Variants in GATAD2A observed in about 807,000 individuals in gnomAD.
GATAD2A encodes GATA zinc finger domain containing 2A, also known as transcriptional repressor p66-alpha.
A neutral mutation model predicts 68.5 loss-of-function variants in GATAD2A; 12 were observed. The ratio of observed to expected loss-of-function variants is 0.18; its 90% CI spans 0.11 to 0.28. The LOEUF (loss-of-function observed/expected upper bound fraction) is 0.28, where lower values mean the gene tolerates loss of function less well. Among genes scored for constraint, GATAD2A ranks in the 10% least tolerant of loss-of-function variants. The pLI, the probability that GATAD2A is intolerant of heterozygous loss-of-function variation, is 1.00. For synonymous variants in GATAD2A, 410 were observed against 375.3 expected (o/e 1.09, Z -1.07); for missense variants, 755 against 868.5 (o/e 0.87, Z 1.64).
upstream of GATAD2A, among the ~76,000 whole-genome samples, chr19:19,401,139 C>CAAA (rs750599017): frequency 3.3e-4 from 14 of 42,216 alleles, no homozygotes; most frequent in Non-Finnish European, 3.5e-4. Flanking sequence ...GACTCTGTCT[C>CAAA]AAAAAAAAAA....
chr19:19,400,385 C>T (rs1307057351), intron 1 of GATAD2A, among the ~76,000 whole-genome samples: 3 of 152,102 alleles, frequency 2.0e-5, no homozygotes, highest in Admixed American at 6.6e-5. Flanking sequence ...AACAAACACA[C>T]GTTGACAAAG....
At chr19:19,406,664 C>G (rs1320859426) in intron 1 of GATAD2A, among the ~76,000 whole-genome samples, 19 of 152,134 alleles carry the variant, frequency 1.2e-4, no homozygotes, top group Admixed American at 9.2e-4. Context: ...CCATTGATTT[C>G]TTTTTTCCCA....
chr19:19,424,003 A>G (rs944628825), intron 1 of GATAD2A, among the ~76,000 whole-genome samples: 6 of 152,090 alleles, frequency 3.9e-5, no homozygotes, highest in Admixed American at 2.6e-4. Flanking sequence ...GGTCACTGTA[A>G]CATTTAAACT....
At position 19,445,407 on chromosome 19, in the gene GATAD2A, T is replaced by C. The variant is rs1008173397; in HGVS notation, c.-6-19933T>C. ...TTTCTCACCTCTTTAAAAAAGCATGTAAAATTCACATGGTAGAATATTCAC... is the reference window on the plus strand; with the variant it reads ...TTTCTCACCTCTTTAAAAAAGCATGCAAAATTCACATGGTAGAATATTCAC... On this transcript the variant is annotated intron_variant, in intron 1 of 11. Transcript: ENST00000683918. Among the ~76,000 whole-genome samples the C allele has an allele frequency of 3.9e-5, 6 of 152,234 alleles. 1 individual carries two copies. The highest frequency in any genetic ancestry group is 1.4e-4 in the African/African-American group (6 of 41,452).
In GATAD2A at chr19:19,506,400, A is replaced by G; in HGVS notation, c.*926A>G. 1 of 377,674 alleles carries G rather than the reference A, an allele frequency of 2.6e-6. No individual in the cohort carries two copies. Among genetic ancestry groups the G allele is most frequent in the Non-Finnish European group, 4.7e-6 (1 of 214,068 alleles). The allele number at this position is 377,674 out of a possible 1,614,324, so 23.4% of individuals were successfully genotyped here. On this transcript the variant is annotated 3_prime_UTR_variant, in exon 12 of 12. Transcript: ENST00000683918. ...TTTTCTGTTGTGGTTTATTTTATTA[A>G]ATTTTTTCCTTTTTTCTATTCATTT...
intron 2 of GATAD2A, among the ~76,000 whole-genome samples, chr19:19,474,628 G>A (rs1814835825): frequency 6.6e-6 from 1 of 152,220 alleles, no homozygotes; most frequent in African/African-American, 2.4e-5. Context: ...TGGGCCTGGT[G>A]TGAGCACCCG....
intron 1 of GATAD2A, among the ~76,000 whole-genome samples, chr19:19,424,048 C>T (rs956841414): frequency 2.0e-5 from 3 of 152,068 alleles, no homozygotes; most frequent in African/African-American, 4.8e-5. Flanking sequence ...CTCAGCCTCC[C>T]GAGTAACTTG....
chr19:19,460,848 C>A (rs551852755), intron 1 of GATAD2A, among the ~76,000 whole-genome samples: 1 of 152,214 alleles, frequency 6.6e-6, no homozygotes, highest in South Asian at 2.1e-4. Context: ...TCCTCCCCTC[C>A]GGCCTGGGCC....
chr19:19,476,603 T>C (rs1905715404), intron 2 of GATAD2A, among the ~76,000 whole-genome samples: 2 of 152,360 alleles, frequency 1.3e-5, no homozygotes, highest in South Asian at 4.1e-4. Flanking sequence ...CGGGGCGGCT[T>C]CTGAGTGCTC....
At chr19:19,469,455 C>A (rs1414706394) in intron 2 of GATAD2A, among the ~76,000 whole-genome samples, 1 of 125,750 alleles carries the variant, frequency 8.0e-6, no homozygotes, top group Admixed American at 7.9e-5. Flanking sequence ...AAAAGATCAT[C>A]AGAATTAAAG....
At chr19:19,488,946 A>G (rs932864479) in intron 2 of GATAD2A, among the ~76,000 whole-genome samples, 5 of 152,172 alleles carry the variant, frequency 3.3e-5, no homozygotes, top group Non-Finnish European at 5.9e-5. Context: ...CCACGATGCC[A>G]TCCCTCTCAG....
In GATAD2A at chr19:19,452,757, C is replaced by T. The variant is rs1252161928; in HGVS notation, c.-6-12583C>T. ...TAGCCACCCACAGTAACTTTGTTTT[C>T]GGACCTTGATTCATTCTGTGGGACA... On this transcript the variant is annotated intron_variant, in intron 1 of 11. Transcript: ENST00000683918. Among the ~76,000 whole-genome samples, 3 of 152,192 alleles carry T rather than the reference C, an allele frequency of 2.0e-5. 1 individual carries two copies. The highest frequency in any genetic ancestry group is 4.2e-4 in the South Asian group (2 of 4,818).
At chr19:19,479,831 C>CTTTT (rs35537344) in intron 2 of GATAD2A, among the ~76,000 whole-genome samples, 77 of 85,582 alleles carry the variant, frequency 9.0e-4, no homozygotes, top group Middle Eastern at 9.1e-3. Flanking sequence ...GTGGCCCACT[C>CTTTT]TTTTTTTTTT....
chr19:19,388,058 CT>C (rs1286116164), intron 1 of GATAD2A, among the ~76,000 whole-genome samples: 21 of 121,180 alleles, frequency 1.7e-4, no homozygotes, highest in South Asian at 2.7e-4. Context: ...GCTTCTCCTC[CT>C]TTTTTTTTTT....
chr19:19,503,171 A>G (rs559147733), intron 11 of GATAD2A, among the ~76,000 whole-genome samples: 2 of 152,342 alleles, frequency 1.3e-5, no homozygotes, highest in East Asian at 3.9e-4. Context: ...AAAGTGTTAT[A>G]TTTCTTGTGT....
upstream of GATAD2A, chr19:19,402,095 G>A (rs1339683761): frequency 6.6e-6 from 1 of 152,166 alleles, no homozygotes; most frequent in Admixed American, 6.5e-5. Context: ...GTTGCACTCT[G>A]TCACCTAGGC....
At chr19:19,442,212 C>T (rs1040897141) in intron 1 of GATAD2A, among the ~76,000 whole-genome samples, 3 of 152,150 alleles carry the variant, frequency 2.0e-5, no homozygotes, top group African/African-American at 7.2e-5. Flanking sequence ...GCATTGGGAA[C>T]ATGGTAATTG....
At chr19:19,436,135 G>T in intron 1 of GATAD2A, 1 of 1,363,608 alleles carries the variant, frequency 7.3e-7, no homozygotes, top group Non-Finnish European at 9.8e-7. Flanking sequence ...CTTTAGGTTG[G>T]TCAGCACATT....
chr19:19,472,895 C>G (rs780851111), intron 2 of GATAD2A, among the ~76,000 whole-genome samples: 58 of 152,202 alleles, frequency 3.8e-4, no homozygotes, highest in Admixed American at 2.6e-4. Context: ...CTATGCTGAT[C>G]TCTGGTAGAG....
Sources: allele counts gnomAD v4.1 joint callset (sites outside exome capture counted in the v4.1 genomes callset), GRCh38; gene constraint gnomAD v4.1.1; transcripts MANE v1.5; gene names NCBI Gene and HGNC (gene_info 2026-07-23, HGNC 2026-07-21).